Variants in EHD4 observed in about 807,000 individuals in gnomAD.
EHD4 encodes EH domain-containing protein 4.
Under a neutral mutation model 51.0 loss-of-function variants are expected in EHD4, and 37 were observed. The ratio of observed to expected loss-of-function variants is 0.73; its 90% confidence interval spans 0.56 to 0.95. EHD4 has a LOEUF of 0.95. Among genes scored for constraint, EHD4 ranks in the 40% least tolerant of loss-of-function variants. EHD4 has a pLI of 0.00. For missense variants in EHD4, 632 were observed against 733.1 expected (o/e 0.86, Z 1.59); for synonymous variants, 297 against 317.3 (o/e 0.94, Z 0.68).
chr15:41,944,670 C>G (rs1202638660), intron 2 of EHD4, among the ~76,000 whole-genome samples: 2 of 152,160 alleles, frequency 1.3e-5, no homozygotes, highest in Admixed American at 6.5e-5. Flanking sequence ...ACATTAGGAT[C>G]CTTTTGCAGG....
chr15:41,906,631 C>T (rs1431708819), intron 5 of EHD4, among the ~76,000 whole-genome samples: 1 of 152,186 alleles, frequency 6.6e-6, no homozygotes, highest in Non-Finnish European at 1.5e-5. Context: ...GAGCCATGGG[C>T]CAGAGTGGGG....
intron 3 of EHD4, among the ~76,000 whole-genome samples, chr15:41,938,985 C>A (rs1417012211): frequency 6.6e-6 from 1 of 152,154 alleles, no homozygotes; most frequent in African/African-American, 2.4e-5. Flanking sequence ...CAATAGTATT[C>A]TAGGAAACAG....
At chr15:41,924,304 G>C (rs1289440688) in intron 3 of EHD4, among the ~76,000 whole-genome samples, 1 of 152,154 alleles carries the variant, frequency 6.6e-6, no homozygotes, top group Non-Finnish European at 1.5e-5. Flanking sequence ...GGACAATGTG[G>C]GCCTTGGACC....
chr15:41,964,437 T>C, intron 1 of EHD4, among the ~76,000 whole-genome samples: 1 of 151,670 alleles, frequency 6.6e-6, no homozygotes, highest in African/African-American at 2.4e-5. Context: ...ATCCCAACTC[T>C]ACAAAAAATG....
rs150473561 is a variant in EHD4 at position 41,900,925 on chromosome 15, G to A, written c.1346C>T (p.Pro449Leu). ...EEEWVVAKDK[P>L]VYDELFYTLS... ...AGTGTAGAAGAGCTCGTCGTAGACG[G>A]GCTTGTCTTTGGCCACGACCCACTC... Residue 449 changes from proline (P) to leucine (L), a missense_variant, in exon 6 of 6, where the codon CCC becomes CTC. Pro to Leu is a moderately conservative substitution (Grantham distance 98, BLOSUM62 -3). Coordinates refer to ENST00000220325, the MANE Select transcript of EHD4 (RefSeq NM_139265.4). The surrounding 1 kb of genome is among the most constrained non-coding windows in gnomAD (Gnocchi z 4.8). 3.1e-6 allele frequency: 5 copies of A among 1,613,988 alleles called. No individual in the cohort carries two copies. In the South Asian group the frequency reaches 3.3e-5, roughly 11 times the overall value.
intron 2 of EHD4, among the ~76,000 whole-genome samples, chr15:41,948,909 G>A (rs888915131): frequency 6.6e-6 from 1 of 150,870 alleles, no homozygotes; most frequent in African/African-American, 2.4e-5. Context: ...CACGCCTGTC[G>A]TCCCAGCAAT....
intron 1 of EHD4, among the ~76,000 whole-genome samples, chr15:41,963,568 C>A (rs1595547023): frequency 1.4e-5 from 2 of 139,072 alleles, no homozygotes. Flanking sequence ...TACTGCACTC[C>A]AGTGTGGGTG....
At chr15:41,931,826 G>A (rs560264765) in intron 3 of EHD4, among the ~76,000 whole-genome samples, 44 of 151,694 alleles carry the variant, frequency 2.9e-4, no homozygotes, top group East Asian at 2.5e-3. Flanking sequence ...ACAGGCGCAC[G>A]CCACCACGCC....
Position 41,919,446 on chromosome 15 carries a change from G to T in EHD4, c.688C>A (p.Gln230Lys). The change falls in exon 4 of 6, where the codon CAG becomes AAG. Residue 230 changes from glutamine to lysine, a missense_variant. Transcript: ENST00000220325. ...GCCCCGTAGACCCGCATCAGCTGCTGCGTGTCCACTTGGTCGGCCTTGTTC... is the reference window on the plus strand; with the variant it reads ...GCCCCGTAGACCCGCATCAGCTGCTTCGTGTCCACTTGGTCGGCCTTGTTC... Reference protein sequence around the residue: ...VLNKADQVDTQQLMRVYGALM... With the variant: ...VLNKADQVDTKQLMRVYGALM... 2 of 1,578,686 alleles carry T rather than the reference G, an allele frequency of 1.3e-6. No homozygotes were observed. Among genetic ancestry groups the T allele is most frequent in the Non-Finnish European group, 1.7e-6 (2 of 1,161,570 alleles).
chr15:41,972,133 G>C (rs942296282), intron 1 of EHD4, 126 bp downstream of exon 1: 1 of 1,020,898 alleles, frequency 9.8e-7, no homozygotes, highest in African/African-American at 1.7e-5. Flanking sequence ...ACCGGGCGCC[G>C]AGCTCCGGGA....
At chr15:41,953,012 A>C (rs1037319673) in intron 2 of EHD4, among the ~76,000 whole-genome samples, 4 of 151,428 alleles carry the variant, frequency 2.6e-5, no homozygotes, top group African/African-American at 7.3e-5. Flanking sequence ...AAAAAAAAAA[A>C]AAAAAAAAAC....
At chr15:41,912,841 A>G (rs1490311509) in intron 4 of EHD4, among the ~76,000 whole-genome samples, 1 of 152,196 alleles carries the variant, frequency 6.6e-6, no homozygotes, top group Non-Finnish European at 1.5e-5. Flanking sequence ...TCATACAGCT[A>G]GTTGGTAGAT....
intron 3 of EHD4, 101 bp from the exon 4 acceptor site, chr15:41,919,723 A>AGC: frequency 8.3e-7 from 1 of 1,209,118 alleles, no homozygotes; most frequent in Non-Finnish European, 1.1e-6. Flanking sequence ...TGCCAGGGAG[A>AGC]GAGCCCTGTC....
At chr15:41,958,338 G>A (rs1006300818) in intron 1 of EHD4, among the ~76,000 whole-genome samples, 1 of 152,040 alleles carries the variant, frequency 6.6e-6, no homozygotes, top group African/African-American at 2.4e-5. Context: ...GCAGCTGGGC[G>A]GAAGGGATGG....
In EHD4 at chr15:41,941,692, C is replaced by T. The variant is rs558667730; in HGVS notation, c.511+1375G>A. 2.6e-5 allele frequency: 4 copies of T among 151,772 alleles called. No individual in the cohort carries two copies. In the East Asian group the frequency reaches 7.8e-4, roughly 29 times the overall value. 9.4% of individuals were successfully genotyped at this position (151,772 alleles called of 1,614,324 possible). A position where few individuals can be genotyped will look rare whatever the true frequency, so the allele number is the denominator to read the frequency against. Reference sequence around the variant, plus strand: ...GTCCCTGACTGAAACAGTGAAGGCACAGCAGGCACCCTGGGAGGCCTCGGC... The same window carrying T: ...GTCCCTGACTGAAACAGTGAAGGCATAGCAGGCACCCTGGGAGGCCTCGGC... On this transcript the variant is annotated intron_variant, in intron 3 of 5. Coordinates refer to ENST00000220325, the MANE Select transcript of EHD4 (RefSeq NM_139265.4).
Position 41,941,527 on chromosome 15 carries a change from A to G in EHD4, c.511+1540T>C, listed in dbSNP as rs530560425. 18 of 152,254 alleles carry G rather than the reference A, an allele frequency of 1.2e-4. No homozygotes were observed. In the East Asian group the frequency reaches 3.5e-3, roughly 29 times the overall value. The allele number at this position is 152,254 out of a possible 1,614,324, so 9.4% of individuals were successfully genotyped here. Reference sequence around the variant, plus strand: ...TTGCCATAAACATCTATACTTTTATAATAGAAAATAAAGCCAACAAGATAT... The same window carrying G: ...TTGCCATAAACATCTATACTTTTATGATAGAAAATAAAGCCAACAAGATAT... On this transcript the variant is annotated intron_variant, in intron 3 of 5. Transcript: ENST00000220325.
chr15:41,966,396 G>A (rs1005127026), intron 1 of EHD4, among the ~76,000 whole-genome samples: 3 of 152,036 alleles, frequency 2.0e-5, no homozygotes, highest in East Asian at 1.9e-4. Flanking sequence ...TACTTGCCTC[G>A]TATCCCCTTT....
At chr15:41,914,838 T>C (rs942218126) in intron 4 of EHD4, among the ~76,000 whole-genome samples, 1 of 150,410 alleles carries the variant, frequency 6.6e-6, no homozygotes, top group Non-Finnish European at 1.5e-5. Flanking sequence ...CAGGCTGGAG[T>C]GCAGTGGCAC....
At chr15:41,924,592 G>T (rs1239602258) in intron 3 of EHD4, among the ~76,000 whole-genome samples, 1 of 152,188 alleles carries the variant, frequency 6.6e-6, no homozygotes, top group Admixed American at 6.5e-5. Context: ...GGGGATGCAA[G>T]AAATATTTGT....
Sources: allele counts gnomAD v4.1 joint callset (sites outside exome capture counted in the v4.1 genomes callset), GRCh38; gene constraint gnomAD v4.1.1; non-coding constraint Gnocchi (gnomAD v3.1); transcripts MANE v1.5; gene names NCBI Gene and HGNC (gene_info 2026-07-23, HGNC 2026-07-21).